The following ARRDC4 variants were observed in gnomAD, a reference collection of about 807,000 sequenced individuals.
The protein encoded by ARRDC4 is arrestin domain containing 4, also known as arrestin domain-containing protein 4.
A neutral mutation model predicts 44.6 loss-of-function variants in ARRDC4; 40 were observed. That is an observed-to-expected ratio of 0.90 (90% CI 0.70 to 1.17). The LOEUF is 1.17. Ranked by LOEUF, ARRDC4 falls within the 50% of genes most tolerant of loss-of-function variation. ARRDC4 has a pLI of 0.00. For missense variants in ARRDC4, 550 were observed against 559.1 expected, an observed-to-expected ratio of 0.98 and a Z score of 0.16; for synonymous variants, 211 against 221.2, an observed-to-expected ratio of 0.95 and a Z score of 0.41.
Position 97,971,133 on chromosome 15 carries a change from T to C in ARRDC4, c.1203T>C (p.Val401=). 1 of 1,613,346 alleles carries C rather than the reference T, an allele frequency of 6.2e-7. No homozygotes were observed. The highest frequency in any genetic ancestry group is 1.1e-5 in the South Asian group (1 of 91,064). ...CTCAGTCCGCTCTTTTTTTGCAGGT[T>C]GACCCACATCCTAGCGACGTAGAAG... The part of the protein sequence containing the change: ...RFQPPPLYSE[V]DPHPSDVEES... Residue 401 remains valine, a splice_region_variant and synonymous_variant, in exon 8 of 8, where the codon GTT becomes GTC. Transcript: ENST00000268042.
At chr15:97,961,546 G>C (rs1355138412) in intron 1 of ARRDC4, among the ~76,000 whole-genome samples, 1 of 152,216 alleles carries the variant, frequency 6.6e-6, no homozygotes, top group African/African-American at 2.4e-5. Flanking sequence ...CCATTCTGCG[G>C]TGCCCGTGTC....
In ARRDC4 at chr15:97,970,124, G is replaced by T. The variant is rs116783447; in HGVS notation, c.1045+79G>T. On this transcript the variant is annotated intron_variant, in intron 6 of 7. Coordinates refer to ENST00000268042, the MANE Select transcript of ARRDC4 (RefSeq NM_183376.3). The surrounding 1 kb of genome is among the most constrained non-coding windows in gnomAD (Gnocchi z 4.2). ...GAACAGAATATATACACTATTAAGTGCTCAGATGTTGATGAGTACTGCTAC... is the reference window on the plus strand; with the variant it reads ...GAACAGAATATATACACTATTAAGTTCTCAGATGTTGATGAGTACTGCTAC... 273 of 1,402,212 alleles carry T rather than the reference G, an allele frequency of 1.9e-4. No individual in the cohort carries two copies. The African/African-American group carries it at 3.6e-3, about 19-fold the overall frequency. The allele number at this position is 1,402,212 out of a possible 1,614,324, so 86.9% of individuals were successfully genotyped here.
chr15:97,969,220 T>A lies in ARRDC4; in HGVS notation c.723T>A (p.Ser241Arg), dbSNP rs377468327. Residue 241 changes from serine (S) to arginine (R), a missense_variant, in exon 5 of 8, where the codon AGT (serine) becomes AGA (arginine). Coordinates refer to ENST00000268042, the MANE Select transcript of ARRDC4 (RefSeq NM_183376.3). ...AIFQTQTYLA[S>R]GKTKTIRHMV... ...TCCAAACGCAGACATATTTGGCTAG[T>A]GGAAAAACAAAGACCATTCGACACA... The A allele has an allele frequency of 6.2e-7, 1 of 1,613,762 alleles. No homozygotes were observed. The highest frequency in any genetic ancestry group is 8.5e-7 in the Non-Finnish European group (1 of 1,179,902).
Position 97,967,994 on chromosome 15 carries a change from TATTGTTTGAA to T in ARRDC4, c.523-16_523-7del, listed in dbSNP as rs1240600126. 2 of 1,534,644 alleles carry T rather than the reference TATTGTTTGAA, an allele frequency of 1.3e-6. No individual in the cohort carries two copies. The highest frequency in any genetic ancestry group is 1.8e-6 in the Non-Finnish European group (2 of 1,124,610). On this transcript the variant is annotated splice_polypyrimidine_tract_variant and intron_variant, in intron 3 of 7. Coordinates refer to ENST00000268042, the MANE Select transcript of ARRDC4 (RefSeq NM_183376.3). This position sits in a 1 kb window ranked among gnomAD's most constrained non-coding sequence, Gnocchi z 5.0. Reference sequence around the variant, plus strand: ...TAGAGTGGCTTAATTAAGGTTGTTTTATTGTTTGAAATTTTCAAGACCCCTGTATTGAAAA... The same window carrying T: ...TAGAGTGGCTTAATTAAGGTTGTTTTATTTTCAAGACCCCTGTATTGAAAA...
At position 97,960,894 on chromosome 15, in the gene ARRDC4, G is replaced by C; in HGVS notation, c.33G>C (p.Val11=). Residue 11 remains valine (V), a synonymous_variant, in exon 1 of 8, where the codon GTG becomes GTC. Coordinates refer to ENST00000268042, the MANE Select transcript of ARRDC4 (RefSeq NM_183376.3). ...GGGAGGCTGGGTGCGCGGCGGCCGT[G>C]GGTGCCGAGGGCCGCGTGAAGAGCC... MGGEAGCAAA[V]GAEGRVKSLG... 7.1e-7 allele frequency: 1 copy of C among 1,415,088 alleles called. No homozygotes were observed. The highest frequency in any genetic ancestry group is 9.3e-7 in the Non-Finnish European group (1 of 1,076,852). 87.7% of individuals were successfully genotyped at this position (1,415,088 alleles called of 1,614,324 possible).
Position 97,970,459 on chromosome 15 carries a change from TTGC to T in ARRDC4, c.1046-127_1046-125del. On this transcript the variant is annotated intron_variant, in intron 6 of 7. Transcript: ENST00000268042. The surrounding 1 kb of genome is among the most constrained non-coding windows in gnomAD (Gnocchi z 4.2). The stretch of plus-strand genomic sequence containing the variant: ...TTTTTATTGTAATATGCATAAAACC[TTGC>T]TGATTAGAGGGAAAGAATGCCATAT... The T allele has an allele frequency of 2.2e-6, 2 of 922,184 alleles. No homozygotes were observed. The highest frequency in any genetic ancestry group is 3.2e-6 in the Non-Finnish European group (2 of 626,398). 57.1% of individuals were successfully genotyped at this position (922,184 alleles called of 1,614,324 possible).
rs1358098697 is a variant in ARRDC4 at position 97,970,010 on chromosome 15, G to C, written c.1010G>C (p.Ser337Thr). The C allele has an allele frequency of 2.5e-6, 4 of 1,613,038 alleles. No homozygotes were observed. The highest frequency in any genetic ancestry group is 1.6e-4 in the Middle Eastern group (1 of 6,072). Residue 337 changes from serine to threonine, a missense_variant, in exon 6 of 8, where the codon AGC (serine) becomes ACC (threonine). Transcript: ENST00000268042. This position sits in a 1 kb window ranked among gnomAD's most constrained non-coding sequence, Gnocchi z 4.2. ...GCCAGCCAGTTCAGTATGGATATGA[G>C]CTGGTTGACACTGACCCTGCCAGAG... ...SIASQFSMDM[S>T]WLTLTLPEQP...
In ARRDC4 at chr15:97,973,247, AAAGC is replaced by A. The variant is rs1459489384; in HGVS notation, c.*2063_*2066del. On this transcript the variant is annotated 3_prime_UTR_variant, in exon 8 of 8. Coordinates refer to ENST00000268042, the MANE Select transcript of ARRDC4 (RefSeq NM_183376.3). ...GTTTAATTATTTGGTTCCATCTAGA[AAAGC>A]AACAACTTAAAGGAATCCTTCACTA... The A allele has an allele frequency of 2.0e-5, 3 of 152,628 alleles. No homozygotes were observed. The highest frequency in any genetic ancestry group is 4.4e-5 in the Non-Finnish European group (3 of 68,026). The allele number at this position is 152,628 out of a possible 1,614,324, so 9.5% of individuals were successfully genotyped here.
rs1480867822 is a variant in ARRDC4, at chr15:97,961,069, A to T, written c.208A>T (p.Ser70Cys). The T allele has an allele frequency of 2.8e-6, 4 of 1,433,000 alleles. No homozygotes were observed. The highest frequency in any genetic ancestry group is 2.4e-4 in the Middle Eastern group (1 of 4,098). The allele number at this position is 1,433,000 out of a possible 1,614,324, so 88.8% of individuals were successfully genotyped here. A position where few individuals can be genotyped will look rare whatever the true frequency, so the allele number is the denominator to read the frequency against. Reference protein sequence around the residue: ...QGRATAAWGPSTCPRASASTA... With the variant: ...QGRATAAWGPCTCPRASASTA... ...GCGCGCCACCGCCGCCTGGGGCCCG[A>T]GCACCTGCCCCCGCGCCTCGGCCAG... The change falls in exon 1 of 8, where the codon AGC (serine) becomes TGC (cysteine). Residue 70 changes from serine to cysteine, a missense_variant. Ser to Cys is a moderately radical substitution (Grantham distance 112). Coordinates refer to ENST00000268042, the MANE Select transcript of ARRDC4 (RefSeq NM_183376.3).
rs987883334 is a variant in ARRDC4 at position 97,972,653 on chromosome 15, C to T, written c.*1466C>T. 2 of 152,538 alleles carry T rather than the reference C, an allele frequency of 1.3e-5. No homozygotes were observed. The highest frequency in any genetic ancestry group is 2.9e-5 in the Non-Finnish European group (2 of 68,026). 9.4% of individuals were successfully genotyped at this position (152,538 alleles called of 1,614,324 possible). A position where few individuals can be genotyped will look rare whatever the true frequency, so the allele number is the denominator to read the frequency against. ...TGAACCAGCAGAGTACTTTGGTTTTCTTCATGTCCTAAGGGTTTGATCCAG... is the reference window on the plus strand; with the variant it reads ...TGAACCAGCAGAGTACTTTGGTTTTTTTCATGTCCTAAGGGTTTGATCCAG... On this transcript the variant is annotated 3_prime_UTR_variant, in exon 8 of 8. Transcript: ENST00000268042. The surrounding 1 kb of genome is among the most constrained non-coding windows in gnomAD (Gnocchi z 5.3).
Position 97,966,946 on chromosome 15 carries a change from AAG to A in ARRDC4, c.522+905_522+906del. ...AGACAAGGAAAAAGCTAGCAGTTAG[AAG>A]TTGTTGTTTAAGTCTTATTTTCGCA... On this transcript the variant is annotated intron_variant, in intron 3 of 7. Transcript: ENST00000268042. The surrounding 1 kb of genome is among the most constrained non-coding windows in gnomAD (Gnocchi z 4.7). 6.6e-6 allele frequency among the ~76,000 whole-genome samples: 1 copy of A among 151,954 alleles called. No individual in the cohort carries two copies. The highest frequency in any genetic ancestry group is 2.4e-5 in the African/African-American group (1 of 41,430).
chr15:97,967,985 A>G lies in ARRDC4; in HGVS notation c.523-29A>G, dbSNP rs778857050. 1 of 1,464,080 alleles carries G rather than the reference A, an allele frequency of 6.8e-7. No homozygotes were observed. Among genetic ancestry groups the G allele is most frequent in the Non-Finnish European group, 9.4e-7 (1 of 1,062,488 alleles). 90.7% of individuals were successfully genotyped at this position (1,464,080 alleles called of 1,614,324 possible). On this transcript the variant is annotated intron_variant, in intron 3 of 7. Coordinates refer to ENST00000268042, the MANE Select transcript of ARRDC4 (RefSeq NM_183376.3). This position sits in a 1 kb window ranked among gnomAD's most constrained non-coding sequence, Gnocchi z 5.0. Reference sequence around the variant, plus strand: ...TGAGTTCTCTAGAGTGGCTTAATTAAGGTTGTTTTATTGTTTGAAATTTTC... The same window carrying G: ...TGAGTTCTCTAGAGTGGCTTAATTAGGGTTGTTTTATTGTTTGAAATTTTC...
At position 97,968,716 on chromosome 15, in the gene ARRDC4, A is replaced by G. The variant is rs1167832161; in HGVS notation, c.626-407A>G. On this transcript the variant is annotated intron_variant, in intron 4 of 7. Coordinates refer to ENST00000268042, the MANE Select transcript of ARRDC4 (RefSeq NM_183376.3). This position sits in a 1 kb window ranked among gnomAD's most constrained non-coding sequence, Gnocchi z 5.4. ...TTGATTCTTTCTGTGCCTTAACATT[A>G]TTAATTCCTTAAAAGCAAAGGCTTT... Among the ~76,000 whole-genome samples the G allele has an allele frequency of 6.6e-6, 1 of 150,376 alleles. No homozygotes were observed. The highest frequency in any genetic ancestry group is 1.5e-5 in the Non-Finnish European group (1 of 67,162).
rs557916017 is a variant in ARRDC4, at chr15:97,971,151, C to T, written c.1221C>T (p.Asp407=). 1.5e-5 allele frequency: 24 copies of T among 1,613,260 alleles called. No homozygotes were observed. Among genetic ancestry groups the T allele is most frequent in the Admixed American group, 5.0e-5 (3 of 59,978 alleles). The change falls in exon 8 of 8, where the codon GAC becomes GAT. Residue 407 remains aspartate (D), a synonymous_variant. Transcript: ENST00000268042. ...LYSEVDPHPS[D]VEESQPVSFI... ...TGCAGGTTGACCCACATCCTAGCGA[C>T]GTAGAAGAGAGCCAGCCTGTTTCCT...
rs1043374 is a variant in ARRDC4 at position 97,973,392 on chromosome 15, A to C, written c.*2205A>C. 87,376 of 152,410 alleles carry C rather than the reference A, an allele frequency of 0.57. 25,899 individuals are homozygous for C. The highest frequency in any genetic ancestry group is 0.89 in the East Asian group (4,584 of 5,174). 9.4% of individuals were successfully genotyped at this position (152,410 alleles called of 1,614,324 possible). ...AAAAGGTGTGACTTGCCTTATTGAA[A>C]TGATACTGGCATATCTGACTGTAAG... is the stretch of plus-strand genomic sequence containing the variant. On this transcript the variant is annotated 3_prime_UTR_variant, in exon 8 of 8. Coordinates refer to ENST00000268042, the MANE Select transcript of ARRDC4 (RefSeq NM_183376.3).
intron 5 of ARRDC4, 26 bp from the exon 6 acceptor site, chr15:97,969,857 T>TC (rs199552180): frequency 0.19 from 24,760 of 131,534 alleles, 114 homozygotes; most frequent in African/African-American, 0.25. Context: ...TTCCTTTCTC[T>TC]TTTTTTTTTT....
chr15:97,962,966 C>G (rs887638771), intron 1 of ARRDC4, among the ~76,000 whole-genome samples: 1 of 152,188 alleles, frequency 6.6e-6, no homozygotes, highest in African/African-American at 2.4e-5. Context: ...TAATCTAATT[C>G]AACTACTTGC....
At chr15:97,969,856 CTTTTT>C (rs201375946) in intron 5 of ARRDC4, 22 bp from the exon 6 acceptor site, 140 of 1,352,502 alleles carry the variant, frequency 1.0e-4, no homozygotes, top group South Asian at 4.1e-4. Context: ...GTTCCTTTCT[CTTTTT>C]TTTTTTTTTT....
Position 97,966,203 on chromosome 15 carries a change from A to T in ARRDC4, c.522+161A>T, listed in dbSNP as rs1899417586. On this transcript the variant is annotated intron_variant, in intron 3 of 7. Transcript: ENST00000268042. This position sits in a 1 kb window ranked among gnomAD's most constrained non-coding sequence, Gnocchi z 4.7. ...ATCTTGTAACCCAAAGGCATTCACTATAAATATATGATTCTAGGTTGGACA... is the reference window on the plus strand; with the variant it reads ...ATCTTGTAACCCAAAGGCATTCACTTTAAATATATGATTCTAGGTTGGACA... Among the ~76,000 whole-genome samples, 1 of 152,220 alleles carries T rather than the reference A, an allele frequency of 6.6e-6. No homozygotes were observed. Among genetic ancestry groups the T allele is most frequent in the Non-Finnish European group, 1.5e-5 (1 of 68,044 alleles).
Sources: gnomAD v4.1 joint callset for allele counts (sites outside exome capture counted in the v4.1 genomes callset) on GRCh38, gnomAD v4.1.1 for gene constraint, Gnocchi (gnomAD v3.1) non-coding constraint, MANE v1.5 for transcripts, NCBI Gene and HGNC (gene_info 2026-07-23, HGNC 2026-07-21) for gene names.